Variants in DLG2 observed in about 807,000 individuals in gnomAD.
The protein encoded by DLG2 is discs large MAGUK scaffold protein 2.
DLG2 carries 45 observed loss-of-function variants against 132.5 expected under a neutral mutation model. The observed-to-expected ratio is 0.34, with a 90% confidence interval of 0.27 to 0.44. The LOEUF (loss-of-function observed/expected upper bound fraction) is 0.44, where lower values mean the gene tolerates loss of function less well. DLG2 is among the 20% of genes least tolerant of loss of function. The pLI is 1.00. For missense variants in DLG2, 1,045 were observed against 1,196.9 expected (o/e 0.87, Z 1.87); for synonymous variants, 424 against 419.6 (o/e 1.01, Z -0.13).
At chr11:85,115,205 A>G (rs986537517) in intron 5 of DLG2, among the ~76,000 whole-genome samples, 2 of 151,952 alleles carry the variant, frequency 1.3e-5, no homozygotes, top group African/African-American at 4.8e-5. Flanking sequence ...TACGTTAGGT[A>G]TACATATAGA....
chr11:84,201,179 C>A (rs530674750), intron 8 of DLG2, among the ~76,000 whole-genome samples: 1 of 152,090 alleles, frequency 6.6e-6, no homozygotes, highest in Non-Finnish European at 1.5e-5. Flanking sequence ...TTATCAAACA[C>A]TTTTCCACCT....
chr11:83,624,189 A>T (rs1012273064), intron 19 of DLG2, among the ~76,000 whole-genome samples: 1 of 152,228 alleles, frequency 6.6e-6, no homozygotes, highest in African/African-American at 2.4e-5. Flanking sequence ...TCAATTAATG[A>T]CAGGCCAACC....
chr11:83,949,153 T>G (rs1158328826), intron 14 of DLG2, among the ~76,000 whole-genome samples: 1 of 152,146 alleles, frequency 6.6e-6, no homozygotes, highest in Admixed American at 6.5e-5. Context: ...TGAAACATTC[T>G]TTTTCTCTAA....
chr11:84,801,523 T>G (rs1348280623), intron 6 of DLG2, among the ~76,000 whole-genome samples: 1 of 152,146 alleles, frequency 6.6e-6, no homozygotes, highest in African/African-American at 2.4e-5. Context: ...GATGCACCAC[T>G]GCACTCCACC....
chr11:84,410,388 T>C (rs568425953), intron 7 of DLG2, among the ~76,000 whole-genome samples: 1 of 152,204 alleles, frequency 6.6e-6, no homozygotes, highest in Non-Finnish European at 1.5e-5. Flanking sequence ...ATTTGAAATA[T>C]AGCACAATTC....
intron 3 of DLG2, among the ~76,000 whole-genome samples, chr11:85,472,811 G>A (rs1216418347): frequency 6.6e-6 from 1 of 152,220 alleles, no homozygotes; most frequent in Non-Finnish European, 1.5e-5. Flanking sequence ...CAGCCCAGAA[G>A]CCACAGCCCA....
chr11:83,472,800 C>T, intron 22 of DLG2, 23 bp from the exon 23 acceptor site: 9 of 1,601,006 alleles, frequency 5.6e-6, no homozygotes, highest in South Asian at 1.1e-5. Flanking sequence ...GGAAAGAAAA[C>T]CACAGTGAAC....
intron 7 of DLG2, among the ~76,000 whole-genome samples, chr11:84,311,418 C>A (rs2098285740): frequency 2.0e-5 from 3 of 152,218 alleles, no homozygotes; most frequent in Admixed American, 6.5e-5. Context: ...AATTTATTAT[C>A]CCAAGTTTTA....
chr11:84,273,318 A>AC, intron 7 of DLG2: 17 of 1,404,706 alleles, frequency 1.2e-5, no homozygotes, highest in African/African-American at 1.5e-5. Flanking sequence ...AAAAAAAAAA[A>AC]AAAAAAAAAA....
chr11:83,808,171 T>C (rs924720122), intron 17 of DLG2, among the ~76,000 whole-genome samples: 1 of 152,140 alleles, frequency 6.6e-6, no homozygotes, highest in African/African-American at 2.4e-5. Flanking sequence ...ACAGGCTGTT[T>C]CCCTGTTTCT....
chr11:84,583,888 G>A (rs191103224), intron 6 of DLG2, among the ~76,000 whole-genome samples: 4 of 151,978 alleles, frequency 2.6e-5, no homozygotes, highest in Admixed American at 2.0e-4. Context: ...ATTCATTCAT[G>A]TTTATTTTTA....
intron 21 of DLG2, among the ~76,000 whole-genome samples, chr11:83,504,985 T>C (rs2139416665): frequency 1.4e-5 from 2 of 138,008 alleles, no homozygotes; most frequent in Middle Eastern, 3.8e-3. Flanking sequence ...GCCACACTTC[T>C]TTAGCCATAA....
At chr11:83,469,447 C>T (rs2091694969) in intron 24 of DLG2, 74 bp from the exon 25 acceptor site, 3 of 1,106,386 alleles carry the variant, frequency 2.7e-6, no homozygotes, top group Non-Finnish European at 3.9e-6. Flanking sequence ...ATATTCTCCA[C>T]CACATCCTCA....
intron 6 of DLG2, among the ~76,000 whole-genome samples, chr11:84,994,173 G>C (rs1036821000): frequency 6.6e-6 from 1 of 152,170 alleles, no homozygotes; most frequent in African/African-American, 2.4e-5. Flanking sequence ...ACAATATGTA[G>C]TCCAGGTTTA....
intron 10 of DLG2, among the ~76,000 whole-genome samples, chr11:84,065,729 C>G (rs7122967): frequency 0.79 from 120,430 of 152,090 alleles, 49,003 homozygotes; most frequent in Middle Eastern, 0.92. Context: ...ATATCCAAAG[C>G]AATATAAATT....
In DLG2 at chr11:85,354,728, TTCTC is replaced by T. The variant is rs371530943; in HGVS notation, c.41-69367_41-69364del. Reference sequence around the variant, plus strand: ...TTTGACTGATTTCCAACGTCACTGTTTCTCTCTCTCTCTCTCTCACACACACACA... The same window carrying T: ...TTTGACTGATTTCCAACGTCACTGTTTCTCTCTCTCTCTCACACACACACA... On this transcript the variant is annotated intron_variant, in intron 3 of 27. Transcript: ENST00000376104. Among the ~76,000 whole-genome samples, 12 of 149,458 alleles carry T rather than the reference TTCTC, an allele frequency of 8.0e-5. 1 individual carries two copies. The highest frequency in any genetic ancestry group is 4.2e-4 in the South Asian group (2 of 4,744).
chr11:84,109,119 A>T (rs1462607589), intron 9 of DLG2, among the ~76,000 whole-genome samples: 1 of 152,184 alleles, frequency 6.6e-6, no homozygotes, highest in African/African-American at 2.4e-5. Flanking sequence ...CATCGTCAAA[A>T]AAAAAATAAT....
chr11:84,046,663 A>C (rs2154114514), intron 11 of DLG2, among the ~76,000 whole-genome samples: 1 of 151,698 alleles, frequency 6.6e-6, no homozygotes, highest in East Asian at 1.9e-4. Flanking sequence ...AGCCTTGACT[A>C]ATAATTCTCA....
intron 21 of DLG2, among the ~76,000 whole-genome samples, chr11:83,509,209 G>C (rs113046214): frequency 0.034 from 5,159 of 152,262 alleles, 315 homozygotes; most frequent in African/African-American, 0.12. Flanking sequence ...GAGAGTCCTT[G>C]CTAATAAGTT....
Sources: gnomAD v4.1 joint callset for allele counts (sites outside exome capture counted in the v4.1 genomes callset) on GRCh38, gnomAD v4.1.1 for gene constraint, MANE v1.5 for transcripts, NCBI Gene and HGNC (gene_info 2026-07-23, HGNC 2026-07-21) for gene names.